SBF2: variants seen among roughly 807,000 people sequenced by gnomAD.
SBF2 encodes the protein myotubularin-related protein 13.
A neutral mutation model predicts 225.2 loss-of-function variants in SBF2; 112 were observed. The observed-to-expected ratio is 0.50, with a 90% CI of 0.43 to 0.58. The LOEUF (loss-of-function observed/expected upper bound fraction) is 0.58, where lower values mean the gene tolerates loss of function less well. SBF2 is among the 20% of genes least tolerant of loss of function. SBF2 has a pLI of 0.00. For synonymous variants in SBF2, 763 were observed against 773.3 expected (o/e 0.99, Z 0.22); for missense variants, 1,996 against 2,206.2 (o/e 0.90, Z 1.91).
At chr11:10,024,817 G>A (rs1298852342) in intron 6 of SBF2, among the ~76,000 whole-genome samples, 1 of 152,070 alleles carries the variant, frequency 6.6e-6, no homozygotes, top group Non-Finnish European at 1.5e-5. Flanking sequence ...CAAGTCTGAG[G>A]TACTGTAATT....
chr11:10,004,899 G>A (rs931583392), intron 6 of SBF2, among the ~76,000 whole-genome samples: 5 of 152,050 alleles, frequency 3.3e-5, no homozygotes, highest in African/African-American at 7.2e-5. Context: ...GAGCTGTCCC[G>A]TCTTTCCAGA....
intron 16 of SBF2, among the ~76,000 whole-genome samples, chr11:9,950,997 T>C (rs1462668822): frequency 6.6e-6 from 1 of 152,116 alleles, no homozygotes; most frequent in African/African-American, 2.4e-5. Flanking sequence ...GTGGATAGTA[T>C]AGGGGAAGTA....
intron 2 of SBF2, among the ~76,000 whole-genome samples, chr11:10,080,584 CATT>C (rs1192614286): frequency 6.6e-6 from 1 of 150,638 alleles, no homozygotes; most frequent in Non-Finnish European, 1.5e-5. Flanking sequence ...TAGATAGAAA[CATT>C]ATGATAGAAA....
intron 29 of SBF2, among the ~76,000 whole-genome samples, chr11:9,814,446 A>G (rs1486319503): frequency 1.3e-5 from 2 of 152,166 alleles, no homozygotes; most frequent in East Asian, 3.8e-4. Context: ...TCTATTTTTA[A>G]GGAAGCTATT....
chr11:9,788,588 ACTTTT>A (rs1564853509), intron 35 of SBF2, among the ~76,000 whole-genome samples: 3 of 97,680 alleles, frequency 3.1e-5, no homozygotes, highest in Admixed American at 1.4e-4. Context: ...CTGGAAAATC[ACTTTT>A]TTTTTTTTTT....
At chr11:9,935,799 A>G (rs902873611) in intron 16 of SBF2, among the ~76,000 whole-genome samples, 4 of 152,230 alleles carry the variant, frequency 2.6e-5, no homozygotes, top group African/African-American at 9.6e-5. Flanking sequence ...CTTATATAGA[A>G]ATTAATTCAA....
At chr11:9,808,441 G>A (rs1169437436) in intron 31 of SBF2, 11 of 539,462 alleles carry the variant, frequency 2.0e-5, no homozygotes, top group Non-Finnish European at 3.6e-5. Flanking sequence ...CCAGTTTGCT[G>A]ACAGCAACCT....
At chr11:10,285,727 C>G (rs1222242292) in intron 1 of SBF2, among the ~76,000 whole-genome samples, 4 of 152,236 alleles carry the variant, frequency 2.6e-5, no homozygotes, top group Non-Finnish European at 5.9e-5. Flanking sequence ...CATTCCCACC[C>G]TGTGGAGTGT....
chr11:9,966,024 T>C (rs1463651566), intron 14 of SBF2, among the ~76,000 whole-genome samples: 2 of 152,370 alleles, frequency 1.3e-5, no homozygotes, highest in East Asian at 3.9e-4. Flanking sequence ...CTAAAATATC[T>C]TTAGCAGTAT....
intron 2 of SBF2, among the ~76,000 whole-genome samples, chr11:10,060,472 T>A (rs1247262875): frequency 6.6e-6 from 1 of 152,162 alleles, no homozygotes; most frequent in East Asian, 1.9e-4. Context: ...GCTAGTAATA[T>A]TCCTATAGAA....
At chr11:10,016,179 T>C (rs1478215086) in intron 6 of SBF2, among the ~76,000 whole-genome samples, 2 of 152,176 alleles carry the variant, frequency 1.3e-5, no homozygotes, top group Non-Finnish European at 2.9e-5. Flanking sequence ...CAGTATCATT[T>C]AGTATCAGAT....
rs116286169 is a variant in SBF2 at position 9,920,969 on chromosome 11, A to T, written c.1861-24958T>A. 3.3e-3 allele frequency among the ~76,000 whole-genome samples: 504 copies of T among 150,890 alleles called. 3 individuals carry two copies. Among genetic ancestry groups the T allele is most frequent in the African/African-American group, 0.012 (485 of 40,978 alleles). The stretch of plus-strand genomic sequence containing the variant: ...CCCTACTTCTTTCTTTCTCTTTTCC[A>T]GTTTACTTCTCTTCCCTTCTCAGCC... On this transcript the variant is annotated intron_variant, in intron 16 of 39. Transcript: ENST00000256190.
chr11:9,855,149 G>A (rs1460024682), intron 19 of SBF2, among the ~76,000 whole-genome samples: 1 of 152,142 alleles, frequency 6.6e-6, no homozygotes, highest in Non-Finnish European at 1.5e-5. Flanking sequence ...TATAATTAGG[G>A]CTTGAAGTGA....
intron 14 of SBF2, among the ~76,000 whole-genome samples, chr11:9,966,331 C>T (rs1053297879): frequency 6.6e-6 from 1 of 152,146 alleles, no homozygotes; most frequent in Non-Finnish European, 1.5e-5. Context: ...CTCAAGTGAT[C>T]CGCCCACCTT....
intron 2 of SBF2, among the ~76,000 whole-genome samples, chr11:10,120,887 G>T (rs1163361572): frequency 1.3e-5 from 2 of 152,060 alleles, no homozygotes; most frequent in African/African-American, 2.4e-5. Context: ...CAAAGTGCTG[G>T]GAGCTAGCAG....
intron 2 of SBF2, among the ~76,000 whole-genome samples, chr11:10,133,674 G>A (rs745604710): frequency 2.0e-5 from 3 of 150,918 alleles, no homozygotes; most frequent in Admixed American, 6.6e-5. Flanking sequence ...CCCGGTTCCC[G>A]CTCATGCCTC....
chr11:9,968,441 C>T lies in SBF2; in HGVS notation c.1500G>A (p.Arg500=). The T allele has an allele frequency of 6.2e-7, 1 of 1,613,934 alleles. No homozygotes were observed. Among genetic ancestry groups the T allele is most frequent in the Non-Finnish European group, 8.5e-7 (1 of 1,179,886 alleles). ...ILPFPEINEA[R]VQELIQENVA... ...CATTTTCCTGTATTAATTCCTGAAC[C>T]CGGGCTTCATTAATCTCTGGGAAAG... The change falls in exon 14 of 40, where the codon CGG becomes CGA. Residue 500 remains arginine, a synonymous_variant. Transcript: ENST00000256190.
chr11:10,044,614 C>T, intron 2 of SBF2: 1 of 177,562 alleles, frequency 5.6e-6, no homozygotes, highest in Non-Finnish European at 1.2e-5. Context: ...TTCACCATGC[C>T]AGAGGTGGTG....
chr11:10,272,029 C>A lies in SBF2; in HGVS notation c.55+21986G>T. 4.6e-6 allele frequency: 5 copies of A among 1,081,176 alleles called. 2 individuals are homozygous for A. Among genetic ancestry groups the A allele is most frequent in the East Asian group, 5.3e-5 (2 of 37,848 alleles). The allele number at this position is 1,081,176 out of a possible 1,614,324, so 67.0% of individuals were successfully genotyped here. ...TCATCACTTTGTGCTTGAAGGCATT[C>A]CTCAGCAAACTTCTCTCGAGTCTTC... On this transcript the variant is annotated intron_variant, in intron 1 of 39. Transcript: ENST00000256190.
Sources: gnomAD v4.1 joint callset for allele counts (sites outside exome capture counted in the v4.1 genomes callset) on GRCh38, gnomAD v4.1.1 for gene constraint, MANE v1.5 for transcripts, NCBI Gene and HGNC (gene_info 2026-07-23, HGNC 2026-07-21) for gene names.